Variants in LCT observed in about 807,000 individuals in gnomAD.
LCT encodes lactase/phlorizin hydrolase.
Under a neutral mutation model 173.0 loss-of-function variants are expected in LCT, and 90 were observed. That is an observed-to-expected ratio of 0.52 (90% CI 0.44 to 0.62). LCT has a LOEUF of 0.62. LCT is among the 20% of genes least tolerant of loss of function. The pLI, the probability that LCT is intolerant of heterozygous loss-of-function variation, is 0.00. For missense variants in LCT, 1,864 were observed against 2,431.4 expected (o/e 0.77, Z 4.91); for synonymous variants, 853 against 957.6 (o/e 0.89, Z 2.02).
intron 3 of LCT, among the ~76,000 whole-genome samples, chr2:135,824,242 G>A (rs1046655420): frequency 6.6e-6 from 1 of 152,138 alleles, no homozygotes; most frequent in Admixed American, 6.5e-5. Context: ...TTCATCACAG[G>A]CTTACAGGGC....
chr2:135,808,378 A>T, intron 8 of LCT, 65 bp downstream of exon 8: 1 of 1,272,692 alleles, frequency 7.9e-7, no homozygotes, highest in Non-Finnish European at 1.2e-6. Flanking sequence ...CCGGCAAAAC[A>T]TTTCAGGCAT....
chr2:135,809,674 G>C lies in LCT; in HGVS notation c.2673C>G (p.Pro891=), dbSNP rs746633907. The C allele has an allele frequency of 7.4e-6, 12 of 1,614,088 alleles. No individual in the cohort carries two copies. Among genetic ancestry groups the C allele is most frequent in the Non-Finnish European group, 1.0e-5 (12 of 1,180,038 alleles). The change falls in exon 8 of 17, where the codon CCC becomes CCG. Residue 891 remains proline (P), a synonymous_variant. Transcript: ENST00000264162. The surrounding 1 kb of genome is among the most constrained non-coding windows in gnomAD (Gnocchi z 5.5). ...GGTAGAACAAATCTCTTTCGAACTTGGGTTGGCTGGAGAACTTTTCCCAAA... is the reference window on the plus strand; with the variant it reads ...GGTAGAACAAATCTCTTTCGAACTTCGGTTGGCTGGAGAACTTTTCCCAAA... The part of the protein sequence containing the change: ...KVVWEKFSSQ[P]KFERDLFYHG...
chr2:135,831,856 A>G lies in LCT; in HGVS notation c.720+1255T>C, dbSNP rs537553890. 2.1e-4 allele frequency among the ~76,000 whole-genome samples: 32 copies of G among 152,262 alleles called. No homozygotes were observed. The East Asian group carries it at 5.8e-3, about 28-fold the overall frequency. ...CGGCGGTGGTTCCCATGGCTTCCAG[A>G]CTGCCCAGCTGCCCAAGGGGGCCCA... On this transcript the variant is annotated intron_variant, in intron 2 of 16. Coordinates refer to ENST00000264162, the MANE Select transcript of LCT (RefSeq NM_002299.4).
chr2:135,823,340 G>A (rs1328914991), intron 4 of LCT, among the ~76,000 whole-genome samples: 1 of 152,200 alleles, frequency 6.6e-6, no homozygotes, highest in Non-Finnish European at 1.5e-5. Context: ...TGGACCAGAA[G>A]CAGCCTCCTG....
chr2:135,806,434 G>A (rs566120448), intron 9 of LCT, among the ~76,000 whole-genome samples: 1 of 152,344 alleles, frequency 6.6e-6, no homozygotes, highest in East Asian at 1.9e-4. Flanking sequence ...GCTTAAGTGT[G>A]CAGTGTTCAT....
chr2:135,812,211 C>T, intron 7 of LCT, 100 bp downstream of exon 7: 1 of 1,003,280 alleles, frequency 1.0e-6, no homozygotes, highest in Admixed American at 1.7e-5. Flanking sequence ...TCTTTGGCTC[C>T]ATTTCTCTAG....
At chr2:135,821,768 G>A (rs2077833821) in intron 5 of LCT, 2 of 504,344 alleles carry the variant, frequency 4.0e-6, no homozygotes, top group Non-Finnish European at 7.2e-6. Flanking sequence ...GGGATTACAG[G>A]TGTGAGCCAT....
chr2:135,809,907 G>A lies in LCT; in HGVS notation c.2440C>T (p.Arg814Trp), dbSNP rs374283033. 1.9e-6 allele frequency: 3 copies of A among 1,614,158 alleles called. No homozygotes were observed. The highest frequency in any genetic ancestry group is 1.1e-5 in the South Asian group (1 of 91,082). Residue 814 changes from arginine to tryptophan, a missense_variant, in exon 8 of 17, where the codon CGG becomes TGG. Transcript: ENST00000264162. The surrounding 1 kb of genome is among the most constrained non-coding windows in gnomAD (Gnocchi z 5.5). ...GFEGPSGYSQ[R>W]FGLHHVNFSD... The stretch of plus-strand genomic sequence containing the variant: ...AAGTTGACGTGGTGCAGGCCAAACC[G>A]CTGGCTGTAACCAGAAGGGCCTTCG...
At chr2:135,829,244 T>C (rs902082531) in intron 3 of LCT, among the ~76,000 whole-genome samples, 1 of 152,098 alleles carries the variant, frequency 6.6e-6, no homozygotes, top group Non-Finnish European at 1.5e-5. Context: ...TGGTGTTAAG[T>C]GGACGCTTAT....
rs778708623 is a variant in LCT at position 135,790,905 on chromosome 2, G to A, written c.5112-24C>T. The A allele has an allele frequency of 6.4e-7, 1 of 1,563,786 alleles. No individual in the cohort carries two copies. The highest frequency in any genetic ancestry group is 8.8e-7 in the Non-Finnish European group (1 of 1,134,136). On this transcript the variant is annotated intron_variant, in intron 14 of 16. Transcript: ENST00000264162. The surrounding 1 kb of genome is among the most constrained non-coding windows in gnomAD (Gnocchi z 4.1). ...CTCTACAAGTTCAAAAACTAAAGAT[G>A]AGGTCTTGTTTTGTAAATCTCAAGA...
At chr2:135,799,501 G>A (rs185254408) in intron 12 of LCT, among the ~76,000 whole-genome samples, 16 of 149,732 alleles carry the variant, frequency 1.1e-4, no homozygotes, top group Admixed American at 6.6e-4. Flanking sequence ...TTTTGGAGAT[G>A]GAGTCTCTCT....
At chr2:135,821,534 G>A in intron 5 of LCT, 1 of 182,150 alleles carries the variant, frequency 5.5e-6, no homozygotes, top group Non-Finnish European at 1.2e-5. Context: ...CCTAGCTGGT[G>A]CAGTGGCACA....
At position 135,790,511 on chromosome 2, in the gene LCT, C is replaced by T. The variant is rs1303234037; in HGVS notation, c.5335+147G>A. On this transcript the variant is annotated intron_variant, in intron 15 of 16. Coordinates refer to ENST00000264162, the MANE Select transcript of LCT (RefSeq NM_002299.4). This position sits in a 1 kb window ranked among gnomAD's most constrained non-coding sequence, Gnocchi z 4.1. Reference sequence around the variant, plus strand: ...AAGGAAAAAAACTCAGAGTGCGGCCCTAAAGCAAAGCTTAACCCCCACAGG... The same window carrying T: ...AAGGAAAAAAACTCAGAGTGCGGCCTTAAAGCAAAGCTTAACCCCCACAGG... 1 of 638,952 alleles carries T rather than the reference C, an allele frequency of 1.6e-6. No individual in the cohort carries two copies. The highest frequency in any genetic ancestry group is 2.8e-6 in the Non-Finnish European group (1 of 360,214). 39.6% of individuals were successfully genotyped at this position (638,952 alleles called of 1,614,324 possible). A position where few individuals can be genotyped will look rare whatever the true frequency, so the allele number is the denominator to read the frequency against.
At position 135,808,630 on chromosome 2, in the gene LCT, C is replaced by G. The variant is rs151165674; in HGVS notation, c.3717G>C (p.Ser1239=). The G allele has an allele frequency of 1.2e-6, 2 of 1,614,190 alleles. No individual in the cohort carries two copies. The highest frequency in any genetic ancestry group is 1.7e-6 in the Non-Finnish European group (2 of 1,180,032). ...CTCTGTTCATTGCCGTGGAAGGCCA[C>G]GAAGGGTCCTCCTCCTCAGCCATCT... The part of the protein sequence containing the change: ...DQEMAEEEDP[S]WPSTAMNRAA... The change falls in exon 8 of 17, where the codon TCG becomes TCC. Residue 1239 remains serine, a synonymous_variant. Coordinates refer to ENST00000264162, the MANE Select transcript of LCT (RefSeq NM_002299.4).
intron 14 of LCT, among the ~76,000 whole-genome samples, chr2:135,793,096 C>T (rs1575330302): frequency 1.3e-5 from 2 of 152,226 alleles, no homozygotes; most frequent in Admixed American, 6.5e-5. Context: ...CTGCCTGCAA[C>T]ATCCTGGCTA....
At chr2:135,823,441 A>C (rs549013802) in intron 4 of LCT, among the ~76,000 whole-genome samples, 12 of 152,310 alleles carry the variant, frequency 7.9e-5, no homozygotes, top group African/African-American at 2.9e-4. Context: ...TACACTTGAA[A>C]GTTCTTAGCA....
chr2:135,816,738 A>G (rs2105541846), intron 6 of LCT, among the ~76,000 whole-genome samples: 1 of 152,338 alleles, frequency 6.6e-6, no homozygotes, highest in South Asian at 2.1e-4. Context: ...GCTACTCACT[A>G]GCAATGTCAT....
Position 135,788,079 on chromosome 2 carries a change from G to A in LCT, c.*245C>T, listed in dbSNP as rs1015091094. 3.0e-5 allele frequency: 16 copies of A among 535,502 alleles called. No homozygotes were observed. Among genetic ancestry groups the A allele is most frequent in the Non-Finnish European group, 1.0e-5 (3 of 297,318 alleles). 33.2% of individuals were successfully genotyped at this position (535,502 alleles called of 1,614,324 possible). The stretch of plus-strand genomic sequence containing the variant: ...AGACCCACTAGACCAGTATCTACAC[G>A]TTTCCGCAAGAGCTACTTGCTTCTC... On this transcript the variant is annotated 3_prime_UTR_variant, in exon 17 of 17. Transcript: ENST00000264162.
chr2:135,817,055 G>A (rs13406414), intron 6 of LCT, among the ~76,000 whole-genome samples: 5 of 151,800 alleles, frequency 3.3e-5, no homozygotes, highest in African/African-American at 9.7e-5. Flanking sequence ...TTTTTTTGCA[G>A]AGACAAGATT....
Sources: allele counts gnomAD v4.1 joint callset (sites outside exome capture counted in the v4.1 genomes callset), GRCh38; gene constraint gnomAD v4.1.1; non-coding constraint Gnocchi (gnomAD v3.1); transcripts MANE v1.5; gene names NCBI Gene and HGNC (gene_info 2026-07-23, HGNC 2026-07-21).